CTNNA2: variants seen among roughly 807,000 people sequenced by gnomAD.
CTNNA2 encodes catenin alpha-2.
Under a neutral mutation model 101.0 loss-of-function variants are expected in CTNNA2, and 42 were observed. The observed-to-expected ratio is 0.42, with a 90% CI of 0.32 to 0.54. The LOEUF (loss-of-function observed/expected upper bound fraction) is 0.54, where lower values mean the gene tolerates loss of function less well. Among genes scored for constraint, CTNNA2 ranks in the 20% least tolerant of loss-of-function variants. CTNNA2 has a pLI of 0.14. For synonymous variants in CTNNA2, 450 were observed against 456.4 expected (o/e 0.99, Z 0.18); for missense variants, 871 against 1,223.1 (o/e 0.71, Z 4.29).
At chr2:80,526,744 T>C (rs1462014453) in intron 9 of CTNNA2, among the ~76,000 whole-genome samples, 1 of 152,220 alleles carries the variant, frequency 6.6e-6, no homozygotes, top group African/African-American at 2.4e-5. Flanking sequence ...AAAAAAGTGT[T>C]TGCACAGTTA....
At chr2:79,984,742 C>T (rs2103857005) in intron 7 of CTNNA2, among the ~76,000 whole-genome samples, 1 of 152,210 alleles carries the variant, frequency 6.6e-6, no homozygotes, top group South Asian at 2.1e-4. Context: ...GCCATTATTG[C>T]TCCCTGACCC....
At chr2:79,265,905 C>A (rs975954336) in intron 2 of CTNNA2, among the ~76,000 whole-genome samples, 3 of 152,060 alleles carry the variant, frequency 2.0e-5, no homozygotes, top group Non-Finnish European at 4.4e-5. Context: ...CTTAGATAAG[C>A]AAACATAGAC....
intron 9 of CTNNA2, among the ~76,000 whole-genome samples, chr2:80,457,861 A>G (rs1684110782): frequency 6.6e-6 from 1 of 152,186 alleles, no homozygotes; most frequent in African/African-American, 2.4e-5. Context: ...TTTAAAAGTC[A>G]GACACCCTTC....
At chr2:79,407,354 G>C (rs1175310140) in intron 4 of CTNNA2, among the ~76,000 whole-genome samples, 1 of 151,966 alleles carries the variant, frequency 6.6e-6, no homozygotes, top group African/African-American at 2.4e-5. Context: ...TAGGTGGTAA[G>C]GTGAGGCTGC....
rs1222580295 is a variant in CTNNA2 at position 79,501,742 on chromosome 2, C to T, written c.-134-3312C>T. On this transcript the variant is annotated intron_variant, in intron 4 of 21. Coordinates refer to the CTNNA2 transcript ENST00000466387. Reference sequence around the variant, plus strand: ...TCTAAAAGTGAAAATTCCAGAATTACAATGTAAGTTGAATTTACTGCCTCA... The same window carrying T: ...TCTAAAAGTGAAAATTCCAGAATTATAATGTAAGTTGAATTTACTGCCTCA... 2.0e-5 allele frequency among the ~76,000 whole-genome samples: 3 copies of T among 152,182 alleles called. No individual in the cohort carries two copies. The East Asian group carries it at 5.8e-4, about 29-fold the overall frequency.
intron 13 of CTNNA2, chr2:80,576,366 T>C (rs1695045050): frequency 9.6e-6 from 1 of 103,718 alleles, no homozygotes. Context: ...CCCTCTTCCA[T>C]GAAACCATTT....
chr2:79,929,516 C>G (rs887009214), intron 7 of CTNNA2, among the ~76,000 whole-genome samples: 2 of 152,220 alleles, frequency 1.3e-5, no homozygotes, highest in African/African-American at 4.8e-5. Flanking sequence ...CTAGTGAGTT[C>G]TCTCTCACTG....
chr2:80,575,958 T>G (rs1047696532), intron 13 of CTNNA2, among the ~76,000 whole-genome samples: 3 of 152,158 alleles, frequency 2.0e-5, no homozygotes, highest in African/African-American at 7.2e-5. Flanking sequence ...CCTTCTCCAT[T>G]CAGCACCCAA....
In CTNNA2 at chr2:80,510,291, A is replaced by G. The variant is rs148049770; in HGVS notation, c.1291-34691A>G. On this transcript the variant is annotated intron_variant, in intron 9 of 18. Coordinates refer to ENST00000402739, the MANE Select transcript of CTNNA2 (RefSeq NM_001282597.3). Reference sequence around the variant, plus strand: ...TACTACCTGTAGAGATGTCCTTCTGATTATCTCATGAAGCTACTTCCTTCT... The same window carrying G: ...TACTACCTGTAGAGATGTCCTTCTGGTTATCTCATGAAGCTACTTCCTTCT... Among the ~76,000 whole-genome samples the G allele has an allele frequency of 5.3e-4, 81 of 152,224 alleles. No homozygotes were observed. The East Asian group carries it at 0.014, about 27-fold the overall frequency.
intron 3 of CTNNA2, among the ~76,000 whole-genome samples, chr2:79,821,870 A>G (rs1678038020): frequency 6.6e-6 from 1 of 152,176 alleles, no homozygotes; most frequent in African/African-American, 2.4e-5. Flanking sequence ...TGTTTGATCG[A>G]CTGAAGCCTA....
At chr2:79,715,031 A>C (rs1265538262) in intron 2 of CTNNA2, among the ~76,000 whole-genome samples, 1 of 142,804 alleles carries the variant, frequency 7.0e-6, no homozygotes, top group Admixed American at 6.9e-5. Context: ...TCTCTACTAA[A>C]AATACCAAAA....
At chr2:79,293,683 C>T (rs1231807832) in intron 2 of CTNNA2, among the ~76,000 whole-genome samples, 1 of 152,066 alleles carries the variant, frequency 6.6e-6, no homozygotes, top group Non-Finnish European at 1.5e-5. Context: ...TACAAAATAA[C>T]ACTATTTTTC....
At chr2:79,729,836 C>A (rs1244978532) in intron 2 of CTNNA2, among the ~76,000 whole-genome samples, 3 of 151,970 alleles carry the variant, frequency 2.0e-5, no homozygotes, top group Admixed American at 6.6e-5. Flanking sequence ...TTTTTCATGT[C>A]ACTGGCATTT....
At chr2:80,609,447 G>T (rs898201944) in intron 17 of CTNNA2, among the ~76,000 whole-genome samples, 1 of 151,592 alleles carries the variant, frequency 6.6e-6, no homozygotes, top group Non-Finnish European at 1.5e-5. Context: ...CAGTAAATTG[G>T]CTATTTTGTG....
intron 9 of CTNNA2, among the ~76,000 whole-genome samples, chr2:80,444,843 G>T (rs950793233): frequency 2.0e-5 from 3 of 152,154 alleles, no homozygotes; most frequent in African/African-American, 4.8e-5. Context: ...AGAAAATAAA[G>T]TTCTGTTGTT....
At chr2:80,406,564 C>A (rs953976940) in intron 8 of CTNNA2, among the ~76,000 whole-genome samples, 1 of 152,064 alleles carries the variant, frequency 6.6e-6, no homozygotes, top group Non-Finnish European at 1.5e-5. Flanking sequence ...TGGTGGCTCA[C>A]GCCTGTAATC....
At chr2:80,564,401 T>C (rs1693868421) in intron 12 of CTNNA2, among the ~76,000 whole-genome samples, 1 of 152,196 alleles carries the variant, frequency 6.6e-6, no homozygotes, top group African/African-American at 2.4e-5. Flanking sequence ...AAGAAAACTT[T>C]CCAAGCAAGC....
At chr2:79,427,218 T>G (rs1407389663) in intron 4 of CTNNA2, among the ~76,000 whole-genome samples, 2 of 151,974 alleles carry the variant, frequency 1.3e-5, no homozygotes, top group Non-Finnish European at 2.9e-5. Context: ...AAGAGAATAA[T>G]GGTGGGTGGT....
intron 12 of CTNNA2, among the ~76,000 whole-genome samples, chr2:80,568,117 C>T (rs957439176): frequency 9.2e-5 from 14 of 152,088 alleles, no homozygotes; most frequent in African/African-American, 3.1e-4. Context: ...TGGTGATGCT[C>T]CTTCTGAAGA....
Sources: gnomAD v4.1 joint callset for allele counts (sites outside exome capture counted in the v4.1 genomes callset) on GRCh38, gnomAD v4.1.1 for gene constraint, MANE v1.5 for transcripts, NCBI Gene and HGNC (gene_info 2026-07-23, HGNC 2026-07-21) for gene names.